The following DYM variants were observed in gnomAD, a reference collection of about 807,000 sequenced individuals.
DYM encodes the protein dyggve-Melchior-Clausen syndrome protein.
In DYM, 78 loss-of-function variants were observed where a neutral mutation model predicts 93.1. The ratio of observed to expected loss-of-function variants is 0.84; its 90% CI spans 0.70 to 1.01. DYM has a LOEUF of 1.01. Among genes scored for constraint, DYM ranks in the 50% least tolerant of loss-of-function variants. The pLI is 0.00. For synonymous variants in DYM, 321 were observed against 319.7 expected (o/e 1.00, Z -0.04); for missense variants, 789 against 845.0 (o/e 0.93, Z 0.82).
intron 9 of DYM, among the ~76,000 whole-genome samples, chr18:49,285,880 GTC>G (rs761936197): frequency 6.6e-6 from 1 of 152,180 alleles, no homozygotes; most frequent in Non-Finnish European, 1.5e-5. Context: ...CCTGCCCCTT[GTC>G]TGGAAGTAAA....
At chr18:49,166,856 A>T (rs2087939251) in intron 14 of DYM, among the ~76,000 whole-genome samples, 5 of 152,118 alleles carry the variant, frequency 3.3e-5, no homozygotes. Flanking sequence ...GAAAGAAGTG[A>T]GCTTCTTGGT....
intron 8 of DYM, among the ~76,000 whole-genome samples, chr18:49,311,164 G>A (rs1277085650): frequency 6.6e-6 from 1 of 152,174 alleles, no homozygotes; most frequent in East Asian, 1.9e-4. Flanking sequence ...CGAAGCCACA[G>A]AGGCAGAGAA....
chr18:49,345,706 G>C (rs1292038302), intron 6 of DYM, among the ~76,000 whole-genome samples: 2 of 152,134 alleles, frequency 1.3e-5, no homozygotes, highest in African/African-American at 4.8e-5. Context: ...AAGCCTAAAA[G>C]CTATAAAAGA....
intron 2 of DYM, among the ~76,000 whole-genome samples, chr18:49,393,139 AG>A (rs2069590845): frequency 6.9e-6 from 1 of 144,906 alleles, no homozygotes; most frequent in African/African-American, 2.6e-5. Context: ...GAAGGAAGGA[AG>A]GAAGGAAGGA....
chr18:49,111,853 C>T (rs1168054588), intron 16 of DYM, among the ~76,000 whole-genome samples: 2 of 152,130 alleles, frequency 1.3e-5, no homozygotes, highest in African/African-American at 2.4e-5. Context: ...AAATGGGGCT[C>T]TCTATGCCTG....
chr18:49,134,304 G>A (rs1160820619), intron 15 of DYM, among the ~76,000 whole-genome samples: 2 of 152,220 alleles, frequency 1.3e-5, no homozygotes, highest in Non-Finnish European at 1.5e-5. Flanking sequence ...AGCAGCAGGA[G>A]TAAGCTTTTG....
intron 5 of DYM, among the ~76,000 whole-genome samples, chr18:49,370,716 A>G (rs1008822893): frequency 6.6e-6 from 1 of 152,204 alleles, no homozygotes; most frequent in African/African-American, 2.4e-5. Flanking sequence ...GCAGTGAGCC[A>G]AAATCGTGCC....
chr18:49,444,052 T>C (rs545812146), intron 1 of DYM, among the ~76,000 whole-genome samples: 1 of 152,238 alleles, frequency 6.6e-6, no homozygotes, highest in South Asian at 2.1e-4. Flanking sequence ...GTGGTAAAAA[T>C]ATGTATGAAG....
chr18:49,212,549 G>A (rs1440231813), intron 13 of DYM, among the ~76,000 whole-genome samples: 1 of 151,842 alleles, frequency 6.6e-6, no homozygotes, highest in African/African-American at 2.4e-5. Flanking sequence ...CCAGGCTGGA[G>A]TACAGTGCCA....
chr18:49,232,750 A>T (rs1258070274), intron 13 of DYM, among the ~76,000 whole-genome samples: 1 of 151,504 alleles, frequency 6.6e-6, no homozygotes, highest in African/African-American at 2.4e-5. Context: ...CTGGGATTAC[A>T]GATGCGCGCC....
At chr18:49,227,888 C>A (rs2093585107) in intron 13 of DYM, among the ~76,000 whole-genome samples, 1 of 152,156 alleles carries the variant, frequency 6.6e-6, no homozygotes, top group South Asian at 2.1e-4. Flanking sequence ...GATACTTCTT[C>A]AATCTCCGTA....
At chr18:49,215,246 AT>A (rs1416938609) in intron 13 of DYM, among the ~76,000 whole-genome samples, 1 of 152,126 alleles carries the variant, frequency 6.6e-6, no homozygotes, top group Non-Finnish European at 1.5e-5. Context: ...TCTGATTGAT[AT>A]TAAAATCTGT....
intron 1 of DYM, among the ~76,000 whole-genome samples, chr18:49,443,303 C>G (rs1053735979): frequency 1.3e-5 from 2 of 152,178 alleles, no homozygotes; most frequent in Non-Finnish European, 2.9e-5. Flanking sequence ...TTTCCTGATA[C>G]AACAGCAGAC....
In DYM at chr18:49,391,615, G is replaced by A; in HGVS notation, c.171C>T (p.Thr57=). The A allele has an allele frequency of 1.2e-6, 2 of 1,613,462 alleles. No individual in the cohort carries two copies. Among genetic ancestry groups the A allele is most frequent in the Non-Finnish European group, 1.7e-6 (2 of 1,179,638 alleles). Residue 57 remains threonine (T), a synonymous_variant, in exon 3 of 18, where the codon ACC becomes ACT. Transcript: ENST00000675505. The stretch of plus-strand genomic sequence containing the variant: ...TACCTAATGACCTGCAGACTGAAAT[G>A]GTTGCTTCCTCCAAGAGTTTCAACT... ...SSELKLLEEA[T]ISVCRSLVEN... is the part of the protein sequence containing the mutation.
intron 8 of DYM, among the ~76,000 whole-genome samples, chr18:49,307,596 C>G (rs770112753): frequency 6.6e-6 from 1 of 152,174 alleles, no homozygotes; most frequent in Non-Finnish European, 1.5e-5. Context: ...TGCCACACCT[C>G]ATCTGAGTAA....
chr18:49,070,914 C>T (rs368719141), intron 17 of DYM, among the ~76,000 whole-genome samples: 3 of 152,156 alleles, frequency 2.0e-5, no homozygotes. Context: ...GTTCCTTATA[C>T]CCCATTGTGC....
intron 3 of DYM, among the ~76,000 whole-genome samples, chr18:49,385,125 A>T (rs1286260486): frequency 2.0e-5 from 3 of 152,176 alleles, no homozygotes; most frequent in African/African-American, 7.2e-5. Flanking sequence ...AGATATCCAT[A>T]GGTTAAAATG....
At chr18:49,190,400 T>G (rs141471196) in intron 14 of DYM, among the ~76,000 whole-genome samples, 1 of 152,180 alleles carries the variant, frequency 6.6e-6, no homozygotes, top group Admixed American at 6.5e-5. Context: ...GGATATCACA[T>G]GAAACTTAAT....
chr18:49,138,650 T>C (rs1328716769), intron 15 of DYM, among the ~76,000 whole-genome samples: 2 of 152,142 alleles, frequency 1.3e-5, no homozygotes, highest in African/African-American at 4.8e-5. Context: ...TATTCCCAGA[T>C]GAAATGTGTC....
Sources: gnomAD v4.1 joint callset for allele counts (sites outside exome capture counted in the v4.1 genomes callset) on GRCh38, gnomAD v4.1.1 for gene constraint, MANE v1.5 for transcripts, NCBI Gene and HGNC (gene_info 2026-07-23, HGNC 2026-07-21) for gene names.